Variants in CENPI observed in about 807,000 individuals in gnomAD.
CENPI encodes the protein FSH primary response 1.
Under a neutral mutation model 60.4 loss-of-function variants are expected in CENPI, and 4 were observed. The observed-to-expected ratio is 0.07, with a 90% CI of 0.03 to 0.15. The LOEUF (loss-of-function observed/expected upper bound fraction) is 0.15, where lower values mean the gene tolerates loss of function less well. CENPI is among the 10% of genes least tolerant of loss of function. CENPI has a pLI of 1.00. For missense variants in CENPI, 444 were observed against 534.5 expected (o/e 0.83, Z 1.67); for synonymous variants, 157 against 189.4 (o/e 0.83, Z 1.40).
At chrX:101,147,893 G>A (rs2089975687) in intron 19 of CENPI, 50 bp from the exon 20 acceptor site, 2 of 1,166,414 alleles carry the variant, frequency 1.7e-6, no homozygotes. Flanking sequence ...GGAGTAAGAA[G>A]GAAAGGGAGA....
intron 20 of CENPI, 66 bp from the exon 21 acceptor site, chrX:101,161,462 A>G: frequency 5.0e-6 from 5 of 999,522 alleles, no homozygotes; most frequent in South Asian, 2.0e-5. Context: ...AAGTATTTCT[A>G]TCACCATATC....
At position 101,165,683 on chromosome X, in the gene CENPI, T is replaced by C. The variant is rs1269391436; in HGVS notation, c.*2716T>C. ...TAGCAAAAGACAGAGACCTAAGGTA[T>C]GCCAGCATTGAGAAGTAGAGGAGAA... On this transcript the variant is annotated 3_prime_UTR_variant, in exon 22 of 22. Coordinates refer to ENST00000682095, the MANE Select transcript of CENPI (RefSeq NM_001386188.2). 9.0e-6 allele frequency among the ~76,000 whole-genome samples: 1 copy of C among 111,034 alleles called. No individual in the cohort carries two copies. Among genetic ancestry groups the C allele is most frequent in the African/African-American group, 3.3e-5 (1 of 30,531 alleles).
At chrX:101,101,392 C>T in intron 3 of CENPI, 96 bp downstream of exon 3, 1 of 611,167 alleles carries the variant, frequency 1.6e-6, no homozygotes, top group Non-Finnish European at 2.5e-6. Flanking sequence ...CATAATTTTG[C>T]TCATTCATGC....
chrX:101,108,336 A>G (rs1384210777), intron 4 of CENPI, among the ~76,000 whole-genome samples: 1 of 108,792 alleles, frequency 9.2e-6, no homozygotes, highest in Non-Finnish European at 1.9e-5. Context: ...TCAGCCTCCC[A>G]GGAGGCACCA....
At chrX:101,162,479 T>A (rs1311103669) in intron 21 of CENPI, among the ~76,000 whole-genome samples, 7 of 95,911 alleles carry the variant, frequency 7.3e-5, no homozygotes, top group African/African-American at 2.4e-4. Context: ...AAAAAATATA[T>A]ATATATATAT....
chrX:101,115,706 A>T (rs1181658256), intron 6 of CENPI, among the ~76,000 whole-genome samples: 1 of 111,874 alleles, frequency 8.9e-6, no homozygotes, highest in Admixed American at 9.5e-5. Context: ...ATTCATTGAC[A>T]TGAATTACAT....
At chrX:101,113,324 G>C (rs1197328209) in intron 6 of CENPI, among the ~76,000 whole-genome samples, 3 of 67,478 alleles carry the variant, frequency 4.4e-5, no homozygotes, top group South Asian at 6.6e-4. Context: ...CACACACACA[G>C]AGTAGATTTT....
At chrX:101,160,440 G>A (rs2090098514) in intron 20 of CENPI, among the ~76,000 whole-genome samples, 1 of 103,653 alleles carries the variant, frequency 9.6e-6, no homozygotes, top group Admixed American at 1.1e-4. Flanking sequence ...GAGTGCAGTG[G>A]CACTATCTCG....
chrX:101,171,954 A>G, the CENPI span, among the ~76,000 whole-genome samples: 1 of 112,269 alleles, frequency 8.9e-6, no homozygotes, highest in Non-Finnish European at 1.9e-5. Context: ...TTTATTCCGA[A>G]TATATAAATA....
chrX:101,171,497 C>T, the CENPI span, among the ~76,000 whole-genome samples: 130 of 111,566 alleles, frequency 1.2e-3, no homozygotes, highest in African/African-American at 4.0e-3. Flanking sequence ...AGGGCAGTGG[C>T]GCAAACACGG....
At chrX:101,152,593 G>A (rs1166971673) in intron 20 of CENPI, among the ~76,000 whole-genome samples, 2 of 109,788 alleles carry the variant, frequency 1.8e-5, no homozygotes, top group African/African-American at 3.3e-5. Flanking sequence ...AGTAGAGACA[G>A]GGTTTCACCA....
intron 15 of CENPI, among the ~76,000 whole-genome samples, chrX:101,134,512 A>G (rs1160601447): frequency 1.8e-5 from 2 of 111,637 alleles, no homozygotes; most frequent in Non-Finnish European, 3.8e-5. Flanking sequence ...AGGGCCCAGC[A>G]GAAGTTGGCA....
At chrX:101,100,516 A>T (rs1392097351) in intron 2 of CENPI, 3 of 112,652 alleles carry the variant, frequency 2.7e-5, no homozygotes, top group African/African-American at 9.7e-5. Context: ...CCTGGGTTCA[A>T]GTGATTCTCC....
At chrX:101,159,481 G>A (rs1191232453) in intron 20 of CENPI, among the ~76,000 whole-genome samples, 1 of 101,018 alleles carries the variant, frequency 9.9e-6, no homozygotes, top group Non-Finnish European at 2.0e-5. Flanking sequence ...TTTGTGAGAC[G>A]GAGTTTTGCT....
intron 6 of CENPI, among the ~76,000 whole-genome samples, chrX:101,118,915 G>T (rs1035754313): frequency 1.8e-5 from 2 of 111,454 alleles, no homozygotes; most frequent in Admixed American, 1.9e-4. Flanking sequence ...GTGTGGTGGC[G>T]CACACCTGTA....
chrX:101,128,349 T>A (rs2089758088), intron 11 of CENPI, among the ~76,000 whole-genome samples: 1 of 107,664 alleles, frequency 9.3e-6, no homozygotes, highest in Admixed American at 1.0e-4. Context: ...AAAAAAAAAA[T>A]TAACCGGGCT....
chrX:101,177,574 TTGAG>T, the CENPI span, among the ~76,000 whole-genome samples: 1 of 111,649 alleles, frequency 9.0e-6, no homozygotes, highest in Non-Finnish European at 1.9e-5. Flanking sequence ...GGCAGAATGA[TTGAG>T]TGGGGACAGC....
rs776486428 is a variant in CENPI, at chrX:101,127,647, G to A, written c.1056G>A (p.Gln352=). 8.5e-7 allele frequency: 1 copy of A among 1,180,917 alleles called. No individual in the cohort carries two copies. The highest frequency in any genetic ancestry group is 1.1e-6 in the Non-Finnish European group (1 of 880,030). The change falls in exon 11 of 22, where the codon CAG becomes CAA. Residue 352 remains glutamine (Q), a synonymous_variant. Coordinates refer to ENST00000682095, the MANE Select transcript of CENPI (RefSeq NM_001386188.2). ...TTCAAAGCTTCCCCCAACTTTTACA[G>A]AACATCCATTGCTTAGAGGTATGTG... The part of the protein sequence containing the change: ...EQLQSFPQLL[Q]NIHCLELPSQ...
At chrX:101,112,917 T>A (rs182510799) in intron 6 of CENPI, among the ~76,000 whole-genome samples, 1 of 110,460 alleles carries the variant, frequency 9.1e-6, no homozygotes, top group East Asian at 2.8e-4. Context: ...ATTATTGATA[T>A]AGTAGAAATA....
Sources: allele counts gnomAD v4.1 joint callset (sites outside exome capture counted in the v4.1 genomes callset), GRCh38; gene constraint gnomAD v4.1.1; transcripts MANE v1.5; gene names NCBI Gene and HGNC (gene_info 2026-07-23, HGNC 2026-07-21).